Variants in IQSEC1 observed in about 807,000 individuals in gnomAD.
IQSEC1 encodes IQ motif and Sec7 domain ArfGEF 1.
IQSEC1 carries 31 observed loss-of-function variants against 91.0 expected under a neutral mutation model. The ratio of observed to expected loss-of-function variants is 0.34; its 90% CI spans 0.26 to 0.46. The LOEUF is 0.46. Ranked by LOEUF, IQSEC1 falls within the 20% of genes least tolerant of loss-of-function variation. The pLI, the probability that IQSEC1 is intolerant of heterozygous loss-of-function variation, is 1.00. For missense variants in IQSEC1, 1,388 were observed against 1,575.6 expected (o/e 0.88, Z 2.02); for synonymous variants, 699 against 662.6 (o/e 1.05, Z -0.84).
At chr3:12,913,691 G>C in intron 8 of IQSEC1, 138 bp from the exon 9 acceptor site, 1 of 701,800 alleles carries the variant, frequency 1.4e-6, no homozygotes, top group Non-Finnish European at 2.2e-6. Flanking sequence ...TTCCCTCACA[G>C]ACATTGAAGA....
intron 1 of IQSEC1, among the ~76,000 whole-genome samples, chr3:13,226,321 T>G (rs902216278): frequency 1.3e-5 from 2 of 152,232 alleles, no homozygotes; most frequent in African/African-American, 2.4e-5. Flanking sequence ...AATCTCTCTG[T>G]ACCTCAGTTT....
intron 1 of IQSEC1, among the ~76,000 whole-genome samples, chr3:12,947,249 G>A (rs930323998): frequency 1.3e-5 from 2 of 152,196 alleles, no homozygotes; most frequent in African/African-American, 2.4e-5. Context: ...ACTCTCATGT[G>A]GTTAGGGCTG....
chr3:12,902,478 C>T (rs1019126096), intron 13 of IQSEC1, among the ~76,000 whole-genome samples: 46 of 151,630 alleles, frequency 3.0e-4, no homozygotes, highest in Admixed American at 1.8e-3. Context: ...TAAGCAGAAA[C>T]CAAAACACAA....
intron 1 of IQSEC1, among the ~76,000 whole-genome samples, chr3:13,192,131 C>T (rs1031725120): frequency 2.0e-5 from 3 of 151,862 alleles, no homozygotes; most frequent in African/African-American, 7.3e-5. Context: ...GTCAGGAGAT[C>T]GAGACCATCC....
At chr3:13,163,830 G>C (rs571643279) in intron 2 of IQSEC1, among the ~76,000 whole-genome samples, 31 of 152,292 alleles carry the variant, frequency 2.0e-4, no homozygotes, top group African/African-American at 7.5e-4. Context: ...CCCCAGAAAG[G>C]AAGGGACAAC....
chr3:13,068,171 C>A (rs360863), intron 1 of IQSEC1, among the ~76,000 whole-genome samples: 2 of 152,254 alleles, frequency 1.3e-5, no homozygotes, highest in Non-Finnish European at 2.9e-5. Flanking sequence ...CCAGGCCTTA[C>A]GCTTCCTCTG....
intron 1 of IQSEC1, chr3:13,022,548 C>A (rs549341550): frequency 3.8e-6 from 3 of 789,532 alleles, no homozygotes; most frequent in Non-Finnish European, 4.6e-6. Context: ...GCTGGCCCTG[C>A]GTCCAGAGGC....
At position 12,967,572 on chromosome 3, in the gene IQSEC1, C is replaced by G; in HGVS notation, c.24-25707G>C. The G allele has an allele frequency of 7.5e-7, 1 of 1,330,570 alleles. No individual in the cohort carries two copies. Among genetic ancestry groups the G allele is most frequent in the Non-Finnish European group, 9.5e-7 (1 of 1,047,764 alleles). 82.4% of individuals were successfully genotyped at this position (1,330,570 alleles called of 1,614,324 possible). A position where few individuals can be genotyped will look rare whatever the true frequency, so the allele number is the denominator to read the frequency against. ...GACACCCGGCCACCCGGAGACCCGACCACCCGCCACGCGATCACGTCGGGG... is the reference window on the plus strand; with the variant it reads ...GACACCCGGCCACCCGGAGACCCGAGCACCCGCCACGCGATCACGTCGGGG... On this transcript the variant is annotated intron_variant, in intron 1 of 13. Transcript: ENST00000613206. This position sits in a 1 kb window ranked among gnomAD's most constrained non-coding sequence, Gnocchi z 5.9.
intron 1 of IQSEC1, among the ~76,000 whole-genome samples, chr3:13,042,644 G>T (rs548436068): frequency 1.3e-5 from 2 of 152,206 alleles, no homozygotes; most frequent in Non-Finnish European, 2.9e-5. Flanking sequence ...GGCTTCCCTG[G>T]GGGTCCCTGG....
intron 1 of IQSEC1, among the ~76,000 whole-genome samples, chr3:12,964,026 C>CATAGG (rs1700404653): frequency 6.6e-6 from 1 of 152,230 alleles, no homozygotes; most frequent in African/African-American, 2.4e-5. Flanking sequence ...GGGGTACTAG[C>CATAGG]CACAGGGCCA....
At chr3:13,011,453 C>T (rs1026914589) in intron 1 of IQSEC1, among the ~76,000 whole-genome samples, 5 of 152,222 alleles carry the variant, frequency 3.3e-5, no homozygotes, top group African/African-American at 1.2e-4. Flanking sequence ...ATGTTATCCT[C>T]ACTTACAGAG....
rs1411205730 is a variant in IQSEC1 at position 13,129,657 on chromosome 3, T to TTTTC, written c.302+34446_302+34447insGAAA. 5.5e-4 allele frequency among the ~76,000 whole-genome samples: 78 copies of TTTTC among 141,084 alleles called. 1 individual carries two copies. Among genetic ancestry groups the TTTTC allele is most frequent in the African/African-American group, 2.1e-3 (76 of 35,756 alleles). 92.6% of individuals were successfully genotyped at this position (141,084 alleles called of 152,430 possible). ...ACTGCTTTAGTAACATCTTATGAAT[T>TTTTC]TTTTTTTTTTTTTTTTTTGAGACAG... is the stretch of plus-strand genomic sequence containing the variant. On this transcript the variant is annotated intron_variant, in intron 2 of 15. Transcript: ENST00000648114.
chr3:12,897,829 G>C lies in IQSEC1; in HGVS notation c.*3154C>G, dbSNP rs948583371. On this transcript the variant is annotated 3_prime_UTR_variant, in exon 14 of 14. Transcript: ENST00000613206. The stretch of plus-strand genomic sequence containing the variant: ...CTCCTGCTGCATGCAGTGTGTGAGG[G>C]AAAGATCACTGCACTGGGTGCTGAA... 3 of 152,208 alleles carry C rather than the reference G, an allele frequency of 2.0e-5. No individual in the cohort carries two copies. Among genetic ancestry groups the C allele is most frequent in the African/African-American group, 4.8e-5 (2 of 41,458 alleles). 9.4% of individuals were successfully genotyped at this position (152,208 alleles called of 1,614,324 possible).
At chr3:12,933,466 C>G (rs149169622) in intron 3 of IQSEC1, among the ~76,000 whole-genome samples, 1 of 152,368 alleles carries the variant, frequency 6.6e-6, no homozygotes, top group African/African-American at 2.4e-5. Context: ...GTGATGTCAG[C>G]AAGGATCCAA....
chr3:13,080,222 A>G (rs889678364), intron 2 of IQSEC1, among the ~76,000 whole-genome samples: 3 of 152,202 alleles, frequency 2.0e-5, no homozygotes, highest in African/African-American at 7.2e-5. Flanking sequence ...GGGAGAGATT[A>G]GAGGCTGGGA....
In IQSEC1 at chr3:13,211,107, A is replaced by T. The variant is rs1694436697; in HGVS notation, c.273-46974T>A. Reference sequence around the variant, plus strand: ...GCCTGACACACAGTAGGTGTGCAGTAAAGGTGTGTCGGATGACTGAGTGAT... The same window carrying T: ...GCCTGACACACAGTAGGTGTGCAGTTAAGGTGTGTCGGATGACTGAGTGAT... On this transcript the variant is annotated intron_variant, in intron 1 of 15. Transcript: ENST00000648114. The surrounding 1 kb of genome is among the most constrained non-coding windows in gnomAD (Gnocchi z 5.3). Among the ~76,000 whole-genome samples the T allele has an allele frequency of 6.6e-6, 1 of 152,236 alleles. No homozygotes were observed. Among genetic ancestry groups the T allele is most frequent in the Non-Finnish European group, 1.5e-5 (1 of 68,040 alleles).
intron 1 of IQSEC1, among the ~76,000 whole-genome samples, chr3:13,055,124 C>T (rs888322177): frequency 3.3e-5 from 5 of 152,334 alleles, no homozygotes; most frequent in African/African-American, 9.6e-5. Flanking sequence ...CCACTGGGCA[C>T]AGTGCGGCGA....
At position 12,957,201 on chromosome 3, in the gene IQSEC1, A is replaced by C. The variant is rs116693457; in HGVS notation, c.24-15336T>G. 9.6e-3 allele frequency among the ~76,000 whole-genome samples: 1,456 copies of C among 152,290 alleles called. 20 individuals carry two copies. The highest frequency in any genetic ancestry group is 0.034 in the African/African-American group (1,393 of 41,556). On this transcript the variant is annotated intron_variant, in intron 1 of 13. Transcript: ENST00000613206. ...ACTCTGCCACAGCTTACCTGGTCTC[A>C]AGATACAAAGTTTACAAGACTGCTT...
intron 2 of IQSEC1, among the ~76,000 whole-genome samples, chr3:13,102,107 G>C (rs1211157826): frequency 2.0e-5 from 3 of 151,312 alleles, no homozygotes; most frequent in African/African-American, 7.3e-5. Flanking sequence ...GCGAGACCCT[G>C]TCTCTACAAA....
Sources: gnomAD v4.1 joint callset for allele counts (sites outside exome capture counted in the v4.1 genomes callset) on GRCh38, gnomAD v4.1.1 for gene constraint, Gnocchi (gnomAD v3.1) non-coding constraint, MANE v1.5 for transcripts, NCBI Gene and HGNC (gene_info 2026-07-23, HGNC 2026-07-21) for gene names.